Variants in TRAPPC9 observed in about 807,000 individuals in gnomAD.
The protein encoded by TRAPPC9 is trafficking protein particle complex subunit 9.
In TRAPPC9, 83 loss-of-function variants were observed where a neutral mutation model predicts 124.0. The ratio of observed to expected loss-of-function variants is 0.67; its 90% CI spans 0.56 to 0.80. The LOEUF (loss-of-function observed/expected upper bound fraction) is 0.80, where lower values mean the gene tolerates loss of function less well. TRAPPC9 is among the 30% of genes least tolerant of loss of function. The pLI is 0.00. For synonymous variants in TRAPPC9, 638 were observed against 617.5 expected (o/e 1.03, Z -0.49); for missense variants, 1,302 against 1,508.3 (o/e 0.86, Z 2.27).
chr8:140,270,410 T>C (rs558266778), intron 15 of TRAPPC9, among the ~76,000 whole-genome samples: 7 of 152,328 alleles, frequency 4.6e-5, no homozygotes, highest in African/African-American at 1.7e-4. Context: ...ATGCGGCTGA[T>C]AGGGCCATGC....
intron 19 of TRAPPC9, among the ~76,000 whole-genome samples, chr8:139,981,795 C>T (rs1836914495): frequency 6.6e-6 from 1 of 152,182 alleles, no homozygotes; most frequent in Non-Finnish European, 1.5e-5. Flanking sequence ...TGGGGCTCTT[C>T]CCTGCCCCTC....
intron 16 of TRAPPC9, among the ~76,000 whole-genome samples, chr8:140,250,553 T>G (rs1245841311): frequency 1.3e-5 from 2 of 152,128 alleles, no homozygotes; most frequent in Non-Finnish European, 2.9e-5. Flanking sequence ...CCACTTCACA[T>G]AAGGGCGCCG....
chr8:140,409,530 C>T (rs2132451777), intron 5 of TRAPPC9, among the ~76,000 whole-genome samples: 1 of 152,246 alleles, frequency 6.6e-6, no homozygotes, highest in South Asian at 2.1e-4. Flanking sequence ...TTATCTGTAA[C>T]TCCCAAACAC....
Position 139,942,309 on chromosome 8 carries a change from T to G in TRAPPC9, c.2811-32009A>C, listed in dbSNP as rs111236386. On this transcript the variant is annotated intron_variant, in intron 19 of 22. Coordinates refer to ENST00000438773, the MANE Select transcript of TRAPPC9 (RefSeq NM_001160372.4). ...TTAAGGAATAGACACCCAATAGTTA[T>G]TTATTGAATCCCTGGGCATTGACCC... is the stretch of plus-strand genomic sequence containing the variant. Among the ~76,000 whole-genome samples, 452 of 152,312 alleles carry G rather than the reference T, an allele frequency of 3.0e-3. 2 individuals carry two copies. The highest frequency in any genetic ancestry group is 5.3e-3 in the Non-Finnish European group (358 of 68,034).
At chr8:139,982,468 C>T (rs1356864873) in intron 19 of TRAPPC9, among the ~76,000 whole-genome samples, 1 of 152,182 alleles carries the variant, frequency 6.6e-6, no homozygotes, top group East Asian at 1.9e-4. Context: ...AACACTGCCC[C>T]GGGGTAGAAA....
At chr8:140,331,809 C>CA (rs751095862) in intron 9 of TRAPPC9, among the ~76,000 whole-genome samples, 1 of 152,026 alleles carries the variant, frequency 6.6e-6, no homozygotes, top group Non-Finnish European at 1.5e-5. Context: ...TGGCTGTGAT[C>CA]AAAAAGACAA....
At chr8:140,132,965 T>C (rs546633233) in intron 17 of TRAPPC9, among the ~76,000 whole-genome samples, 1 of 152,278 alleles carries the variant, frequency 6.6e-6, no homozygotes, top group South Asian at 2.1e-4. Context: ...ATGGCTTCAC[T>C]AGAAAATCTG....
intron 2 of TRAPPC9, among the ~76,000 whole-genome samples, chr8:140,441,003 A>T (rs1425071138): frequency 3.1e-5 from 4 of 127,510 alleles, no homozygotes; most frequent in Non-Finnish European, 6.5e-5. Context: ...TTTGGAGACA[A>T]GGTCTTATTC....
rs565319099 is a variant in TRAPPC9, at chr8:139,834,535, G to A, written c.3055+51344C>T. The stretch of plus-strand genomic sequence containing the variant: ...CGCCAGCAGGCAGGCGGAACGTGGC[G>A]TCTGGCGAATGGCAGGGAAGCCGCC... On this transcript the variant is annotated intron_variant, in intron 21 of 22. Transcript: ENST00000438773. Among the ~76,000 whole-genome samples the A allele has an allele frequency of 7.2e-5, 11 of 152,376 alleles. No individual in the cohort carries two copies. In the South Asian group the frequency reaches 1.4e-3, roughly 20 times the overall value.
chr8:139,926,467 C>T (rs938715188), intron 19 of TRAPPC9, among the ~76,000 whole-genome samples: 8 of 152,222 alleles, frequency 5.3e-5, no homozygotes, highest in South Asian at 4.2e-4. Flanking sequence ...TTTAAAGCAG[C>T]CGCTATAACC....
At chr8:140,380,205 A>G (rs2068561258) in intron 7 of TRAPPC9, among the ~76,000 whole-genome samples, 1 of 152,256 alleles carries the variant, frequency 6.6e-6, no homozygotes, top group African/African-American at 2.4e-5. Flanking sequence ...CAAAGCTATA[A>G]TAACCAAGAT....
At chr8:140,134,943 A>T (rs2061275068) in intron 17 of TRAPPC9, among the ~76,000 whole-genome samples, 1 of 152,236 alleles carries the variant, frequency 6.6e-6, no homozygotes, top group African/African-American at 2.4e-5. Context: ...TAATATTCAG[A>T]ATGTCTAAAG....
At chr8:140,006,071 G>T (rs1197683789) in intron 18 of TRAPPC9, among the ~76,000 whole-genome samples, 1 of 152,092 alleles carries the variant, frequency 6.6e-6, no homozygotes, top group Non-Finnish European at 1.5e-5. Context: ...AAATTAGGAG[G>T]CTTGTCCTAG....
At chr8:140,350,595 G>A (rs1379980024) in intron 9 of TRAPPC9, among the ~76,000 whole-genome samples, 2 of 152,064 alleles carry the variant, frequency 1.3e-5, no homozygotes, top group African/African-American at 2.4e-5. Context: ...AACGCAAAGC[G>A]GCGGGTATGA....
Position 140,387,561 on chromosome 8 carries a change from G to A in TRAPPC9, c.1134+10059C>T, listed in dbSNP as rs564034650. On this transcript the variant is annotated intron_variant, in intron 7 of 22. Transcript: ENST00000438773. ...CAAACAACCCCATCAACAAGTGGGC[G>A]AAGGATATGAACAGACACTTCTCAA... is the stretch of plus-strand genomic sequence containing the variant. 2.1e-3 allele frequency among the ~76,000 whole-genome samples: 319 copies of A among 152,228 alleles called. 3 individuals are homozygous for A. Among genetic ancestry groups the A allele is most frequent in the Admixed American group, 2.4e-3 (37 of 15,280 alleles).
At chr8:139,940,820 T>C (rs1466266762) in intron 19 of TRAPPC9, among the ~76,000 whole-genome samples, 1 of 152,142 alleles carries the variant, frequency 6.6e-6, no homozygotes, top group African/African-American at 2.4e-5. Context: ...GCTGGAACCC[T>C]AGGGAGGGAT....
At chr8:140,215,760 A>G (rs955798247) in intron 17 of TRAPPC9, 2 of 152,100 alleles carry the variant, frequency 1.3e-5, no homozygotes, top group African/African-American at 4.8e-5. Context: ...ACCTCATAGG[A>G]TATTTACAAG....
chr8:140,114,477 G>A (rs923014382), intron 17 of TRAPPC9, among the ~76,000 whole-genome samples: 5 of 152,024 alleles, frequency 3.3e-5, no homozygotes, highest in East Asian at 1.9e-4. Context: ...TGTTCTCTTC[G>A]ACAAAAATTT....
intron 21 of TRAPPC9, among the ~76,000 whole-genome samples, chr8:139,881,501 CT>C (rs2131092006): frequency 6.6e-6 from 1 of 152,276 alleles, no homozygotes; most frequent in East Asian, 1.9e-4. Context: ...GAATTATGTC[CT>C]CCAAACTAGC....
Sources: gnomAD v4.1 joint callset for allele counts (sites outside exome capture counted in the v4.1 genomes callset) on GRCh38, gnomAD v4.1.1 for gene constraint, MANE v1.5 for transcripts, NCBI Gene and HGNC (gene_info 2026-07-23, HGNC 2026-07-21) for gene names.